Variants in CRY2 observed in about 807,000 individuals in gnomAD.
CRY2 encodes the protein cryptochrome-2.
A neutral mutation model predicts 69.5 loss-of-function variants in CRY2; 31 were observed. The observed-to-expected ratio is 0.45, with a 90% confidence interval of 0.34 to 0.60. CRY2 has a LOEUF of 0.60. CRY2 is among the 20% of genes least tolerant of loss of function. The pLI, the probability that CRY2 is intolerant of heterozygous loss-of-function variation, is 0.02. For synonymous variants in CRY2, 303 were observed against 312.2 expected, an observed-to-expected ratio of 0.97 and a Z score of 0.31; for missense variants, 606 against 797.8, an observed-to-expected ratio of 0.76 and a Z score of 2.90.
intron 1 of CRY2, 32 bp downstream of exon 1, chr11:45,847,737 G>C (rs1367640961): frequency 6.6e-7 from 1 of 1,523,456 alleles, no homozygotes; most frequent in Admixed American, 2.0e-5. Flanking sequence ...TGGCGGGGAC[G>C]CAGCCAGGAC....
At position 45,866,426 on chromosome 11, in the gene CRY2, G is replaced by A. The variant is rs543937383; in HGVS notation, c.742-1186G>A. 2.6e-5 allele frequency among the ~76,000 whole-genome samples: 4 copies of A among 152,314 alleles called. No individual in the cohort carries two copies. The East Asian group carries it at 5.8e-4, about 22-fold the overall frequency. On this transcript the variant is annotated intron_variant, in intron 5 of 11. Coordinates refer to ENST00000616080, the MANE Select transcript of CRY2 (RefSeq NM_021117.5). The stretch of plus-strand genomic sequence containing the variant: ...GCTGATGAAAGACCAAGAGCGCCAG[G>A]CAGCTGGGAGATACCAGGAGATGTG...
chr11:45,869,193 C>A (rs933779821), intron 6 of CRY2, among the ~76,000 whole-genome samples: 1 of 152,232 alleles, frequency 6.6e-6, no homozygotes, highest in African/African-American at 2.4e-5. Flanking sequence ...AAACAGGGAA[C>A]TCTTGAGGAC....
At chr11:45,878,310 T>TCATG (rs760087010) in intron 11 of CRY2, among the ~76,000 whole-genome samples, 1 of 152,198 alleles carries the variant, frequency 6.6e-6, no homozygotes, top group Non-Finnish European at 1.5e-5. Flanking sequence ...TAAGGAATCT[T>TCATG]CATGCACTCT....
intron 2 of CRY2, 59 bp downstream of exon 2, chr11:45,856,149 A>G: frequency 7.7e-7 from 1 of 1,300,186 alleles, no homozygotes; most frequent in Non-Finnish European, 1.1e-6. Flanking sequence ...GTTTCCCCAC[A>G]GCCTGAGTGA....
chr11:45,876,096 C>A (rs1391278374), intron 11 of CRY2, among the ~76,000 whole-genome samples: 1 of 152,178 alleles, frequency 6.6e-6, no homozygotes, highest in African/African-American at 2.4e-5. Flanking sequence ...TCCATTTCCT[C>A]TGTAATTTTT....
At chr11:45,855,531 T>G (rs1051088164) in intron 1 of CRY2, among the ~76,000 whole-genome samples, 1 of 152,194 alleles carries the variant, frequency 6.6e-6, no homozygotes, top group Non-Finnish European at 1.5e-5. Flanking sequence ...CAGATACTTA[T>G]ATCTAGCCCC....
intron 3 of CRY2, among the ~76,000 whole-genome samples, 175 bp downstream of exon 3, chr11:45,859,048 A>G (rs984417850): frequency 7.2e-5 from 11 of 152,144 alleles, no homozygotes; most frequent in Admixed American, 2.0e-4. Flanking sequence ...ACAGGTCACA[A>G]AGAGCTTTAC....
chr11:45,873,378 G>A (rs1040017826), intron 11 of CRY2, among the ~76,000 whole-genome samples: 44 of 152,178 alleles, frequency 2.9e-4, no homozygotes, highest in African/African-American at 1.0e-3. Flanking sequence ...CCTTTCCTGG[G>A]CTCTTTGACA....
Position 45,858,873 on chromosome 11 carries a change from G to A in CRY2, c.467G>A (p.Arg156Lys). 6.2e-7 allele frequency: 1 copy of A among 1,612,460 alleles called. No individual in the cohort carries two copies. Among genetic ancestry groups the A allele is most frequent in the Non-Finnish European group, 8.5e-7 (1 of 1,179,374 alleles). Residue 156 changes from arginine (R) to lysine (K), a missense_variant and splice_region_variant, in exon 3 of 12, where the codon AGG (arginine) becomes AAG (lysine). Around this residue, in one of 5 missense-constraint regions of CRY2, gnomAD observed 382 missense variants for 508.9 expected, o/e 0.75. Coordinates refer to ENST00000616080, the MANE Select transcript of CRY2 (RefSeq NM_021117.5). The stretch of plus-strand genomic sequence containing the variant: ...TCTCATACCCTCTATGACCTGGACA[G>A]GTAAGAGATGGGGCCCAGGGATCAG... Reference protein sequence around the residue: ...ENSHTLYDLDRIIELNGQKPP... With the variant: ...ENSHTLYDLDKIIELNGQKPP...
intron 10 of CRY2, 89 bp from the exon 11 acceptor site, chr11:45,872,003 C>A (rs2134646950): frequency 1.3e-6 from 2 of 1,534,128 alleles, no homozygotes; most frequent in East Asian, 4.6e-5. Flanking sequence ...AGTGTGCTCC[C>A]TGTCCCCTAA....
intron 11 of CRY2, among the ~76,000 whole-genome samples, chr11:45,878,210 G>A (rs1262410404): frequency 6.6e-6 from 1 of 152,208 alleles, no homozygotes; most frequent in African/African-American, 2.4e-5. Flanking sequence ...AGAGGAATGT[G>A]CACATCACTC....
chr11:45,872,806 G>C (rs1355472526), intron 11 of CRY2, among the ~76,000 whole-genome samples: 1 of 152,206 alleles, frequency 6.6e-6, no homozygotes, highest in African/African-American at 2.4e-5. Context: ...AGACCTGCGT[G>C]TGAAGCAGCG....
At chr11:45,861,896 C>G in intron 4 of CRY2, 164 bp from the exon 5 acceptor site, 2 of 622,122 alleles carry the variant, frequency 3.2e-6, no homozygotes, top group South Asian at 3.9e-5. Flanking sequence ...GGGAAGAGAA[C>G]CAAGTTGACC....
chr11:45,872,186 G>T lies in CRY2; in HGVS notation c.1737G>T (p.Arg579=), dbSNP rs757069366. The T allele has an allele frequency of 1.2e-6, 2 of 1,614,002 alleles. No individual in the cohort carries two copies. Among genetic ancestry groups the T allele is most frequent in the African/African-American group, 2.7e-5 (2 of 74,892 alleles). Reference sequence around the variant, plus strand: ...GTGAAGAACTCAGCAAACGGGCCCGGGTGGCAGAGTTGCCAACCCCAGAGC... The same window carrying T: ...GTGAAGAACTCAGCAAACGGGCCCGTGTGGCAGAGTTGCCAACCCCAGAGC... ...PPGEELSKRA[R]VAELPTPELP... The change falls in exon 11 of 12, where the codon CGG becomes CGT. Residue 579 remains arginine, a synonymous_variant. Transcript: ENST00000616080.
chr11:45,847,774 G>C, intron 1 of CRY2, 69 bp downstream of exon 1: 2 of 1,470,080 alleles, frequency 1.4e-6, no homozygotes, highest in Non-Finnish European at 1.8e-6. Flanking sequence ...CCGGCGAACA[G>C]CACGATCCCC....
intron 11 of CRY2, among the ~76,000 whole-genome samples, chr11:45,875,254 A>C (rs2086416446): frequency 6.6e-6 from 1 of 152,240 alleles, no homozygotes; most frequent in Non-Finnish European, 1.5e-5. Flanking sequence ...GGTAAGCAGT[A>C]GTTATTATTG....
At chr11:45,870,275 C>G in intron 8 of CRY2, 55 bp from the exon 9 acceptor site, 7 of 1,612,900 alleles carry the variant, frequency 4.3e-6, no homozygotes, top group Non-Finnish European at 5.1e-6. Flanking sequence ...TACCCTGGGC[C>G]TTTTGAAGGA....
intron 5 of CRY2, among the ~76,000 whole-genome samples, chr11:45,865,875 CA>C (rs2086326946): frequency 6.6e-6 from 1 of 152,190 alleles, no homozygotes. Context: ...GAGCAACAGG[CA>C]TTACATTACT....
At chr11:45,863,826 G>A (rs528343757) in intron 5 of CRY2, among the ~76,000 whole-genome samples, 124 of 152,030 alleles carry the variant, frequency 8.2e-4, no homozygotes, top group African/African-American at 3.0e-3. Context: ...TTATCCACTC[G>A]GACTAGGATC....
Sources: gnomAD v4.1 joint callset for allele counts (sites outside exome capture counted in the v4.1 genomes callset) on GRCh38, gnomAD v4.1.1 for gene constraint, gnomAD v4.1.1 regional missense constraint, MANE v1.5 for transcripts, NCBI Gene and HGNC (gene_info 2026-07-23, HGNC 2026-07-21) for gene names.